EBF2: variants seen among roughly 807,000 people sequenced by gnomAD.
EBF2 encodes the protein EBF transcription factor 2, also known as transcription factor COE2.
EBF2 carries 21 observed loss-of-function variants against 72.8 expected under a neutral mutation model. The observed-to-expected ratio is 0.29, with a 90% CI of 0.20 to 0.42. The LOEUF (loss-of-function observed/expected upper bound fraction) is 0.42. Ranked by LOEUF, EBF2 falls within the 10% of genes least tolerant of loss-of-function variation. The pLI, the probability that EBF2 is intolerant of heterozygous loss-of-function variation, is 1.00. For synonymous variants in EBF2, 299 were observed against 274.2 expected (o/e 1.09, Z -0.89); for missense variants, 637 against 731.2 (o/e 0.87, Z 1.49).
intron 6 of EBF2, among the ~76,000 whole-genome samples, chr8:25,944,239 C>T (rs1333451970): frequency 6.6e-6 from 1 of 152,202 alleles, no homozygotes; most frequent in Admixed American, 6.5e-5. Flanking sequence ...GAAATGAACT[C>T]ATATCCTAAA....
At chr8:25,900,830 A>T (rs1413491809) in intron 7 of EBF2, among the ~76,000 whole-genome samples, 2 of 152,146 alleles carry the variant, frequency 1.3e-5, no homozygotes, top group Non-Finnish European at 2.9e-5. Context: ...CTAAAAAAAA[A>T]ATGATTAGGC....
intron 6 of EBF2, among the ~76,000 whole-genome samples, chr8:25,977,995 C>T (rs1023802047): frequency 6.6e-6 from 1 of 151,984 alleles, no homozygotes; most frequent in African/African-American, 2.4e-5. Flanking sequence ...GACCCTATCC[C>T]GTTGTCACTT....
chr8:25,953,139 T>A (rs971642798), intron 6 of EBF2, among the ~76,000 whole-genome samples: 23 of 152,204 alleles, frequency 1.5e-4, no homozygotes, highest in African/African-American at 4.3e-4. Flanking sequence ...CATGAGACCA[T>A]GTGTGCTTCA....
chr8:26,044,413 G>T lies in EBF2; in HGVS notation c.131+316C>A, dbSNP rs1699576584. Among the ~76,000 whole-genome samples the T allele has an allele frequency of 6.6e-6, 1 of 152,268 alleles. No individual in the cohort carries two copies. Among genetic ancestry groups the T allele is most frequent in the African/African-American group, 2.4e-5 (1 of 41,476 alleles). On this transcript the variant is annotated intron_variant, in intron 1 of 15. Transcript: ENST00000520164. This position sits in a 1 kb window ranked among gnomAD's most constrained non-coding sequence, Gnocchi z 4.1. The stretch of plus-strand genomic sequence containing the variant: ...GTTCGGGGCCAGGCCGGCTCGGCTT[G>T]CAGGACTAGGGGCTGAGCTGGGAGA...
chr8:25,875,148 C>T (rs1206585803), intron 10 of EBF2, among the ~76,000 whole-genome samples: 1 of 152,188 alleles, frequency 6.6e-6, no homozygotes, highest in Non-Finnish European at 1.5e-5. Context: ...GATGAATCCA[C>T]ATTTTCCAGA....
At chr8:25,954,592 A>G (rs547075760) in intron 6 of EBF2, among the ~76,000 whole-genome samples, 2 of 152,270 alleles carry the variant, frequency 1.3e-5, no homozygotes, top group African/African-American at 4.8e-5. Flanking sequence ...AATGCGGAGG[A>G]AACGTCGTGT....
chr8:26,013,353 C>G (rs576640653), intron 6 of EBF2, among the ~76,000 whole-genome samples: 3 of 152,284 alleles, frequency 2.0e-5, no homozygotes, highest in African/African-American at 4.8e-5. Context: ...ACACTGCCCT[C>G]GTGAGTTCCT....
rs1300998191 is a variant in EBF2, at chr8:25,958,614, CAGCAT to C, written c.552-50064_552-50060del. 3.1e-4 allele frequency among the ~76,000 whole-genome samples: 47 copies of C among 152,178 alleles called. 1 individual carries two copies. The highest frequency in any genetic ancestry group is 8.8e-5 in the Non-Finnish European group (6 of 68,034). The stretch of plus-strand genomic sequence containing the variant: ...TTGTTTTTGCTTCTTCTGCCATTCC[CAGCAT>C]GGACCAACTCCAGCCCAGCTTCTTC... On this transcript the variant is annotated intron_variant, in intron 6 of 15. Coordinates refer to ENST00000520164, the MANE Select transcript of EBF2 (RefSeq NM_022659.4).
chr8:26,002,904 AGGCGGGCAGGCG>A (rs1199561411), intron 6 of EBF2, among the ~76,000 whole-genome samples: 5 of 96,248 alleles, frequency 5.2e-5, no homozygotes, highest in African/African-American at 2.2e-4. Flanking sequence ...GCAGGCGGGC[AGGCGGGCAGGCG>A]GGCAGGCGGG....
chr8:25,857,531 G>A (rs1430647409), intron 14 of EBF2, among the ~76,000 whole-genome samples: 1 of 152,108 alleles, frequency 6.6e-6, no homozygotes, highest in Admixed American at 6.5e-5. Flanking sequence ...GCCTCTCCAT[G>A]TCAGCTTGTC....
intron 6 of EBF2, among the ~76,000 whole-genome samples, chr8:26,011,195 A>G (rs1418395158): frequency 6.6e-6 from 1 of 152,232 alleles, no homozygotes; most frequent in Non-Finnish European, 1.5e-5. Flanking sequence ...AGGAAATTGC[A>G]TAGAGTTGGA....
At chr8:25,900,026 T>C (rs1802925431) in intron 7 of EBF2, among the ~76,000 whole-genome samples, 3 of 151,994 alleles carry the variant, frequency 2.0e-5, no homozygotes, top group Admixed American at 1.3e-4. Context: ...CTCCAACCCC[T>C]TCCCTCGAAC....
intron 10 of EBF2, among the ~76,000 whole-genome samples, chr8:25,867,070 AAC>A (rs1221565050): frequency 6.6e-6 from 1 of 152,168 alleles, no homozygotes; most frequent in East Asian, 1.9e-4. Context: ...ACATTTCCTT[AAC>A]ACAACTGGCA....
intron 10 of EBF2, among the ~76,000 whole-genome samples, chr8:25,885,596 G>A (rs185083297): frequency 6.6e-6 from 1 of 152,104 alleles, no homozygotes; most frequent in Non-Finnish European, 1.5e-5. Flanking sequence ...TTGTGGGAGG[G>A]ACCTGGTGGG....
In EBF2 at chr8:25,954,620, C is replaced by T. The variant is rs549667585; in HGVS notation, c.552-46065G>A. 2.6e-5 allele frequency among the ~76,000 whole-genome samples: 4 copies of T among 152,290 alleles called. No individual in the cohort carries two copies. In the South Asian group the frequency reaches 8.3e-4, roughly 32 times the overall value. ...CGTCGTGTTGCACCACCGTTTCCCA[C>T]ATGCTTATTTGGATTGTACTCACCG... On this transcript the variant is annotated intron_variant, in intron 6 of 15. Transcript: ENST00000520164.
rs1200504524 is a variant in EBF2, at chr8:25,844,493, G to A, written c.*116C>T. 1.7e-6 allele frequency: 2 copies of A among 1,189,910 alleles called. No homozygotes were observed. Among genetic ancestry groups the A allele is most frequent in the Admixed American group, 3.5e-5 (2 of 57,440 alleles). The allele number at this position is 1,189,910 out of a possible 1,614,324, so 73.7% of individuals were successfully genotyped here. A position where few individuals can be genotyped will look rare whatever the true frequency, so the allele number is the denominator to read the frequency against. ...ATGCTGGCTCCTTGCAGACCCAAGG[G>A]TGTCCATCATGTTCATGTGGGGGCA... is the stretch of plus-strand genomic sequence containing the variant. On this transcript the variant is annotated 3_prime_UTR_variant, in exon 16 of 16. Transcript: ENST00000520164.
intron 6 of EBF2, among the ~76,000 whole-genome samples, chr8:25,988,248 C>T (rs1277262562): frequency 6.6e-6 from 1 of 152,168 alleles, no homozygotes; most frequent in Non-Finnish European, 1.5e-5. Flanking sequence ...CACACTGAGC[C>T]AGAGACAAGC....
intron 15 of EBF2, among the ~76,000 whole-genome samples, chr8:25,846,872 G>A (rs1216279767): frequency 6.6e-6 from 1 of 152,134 alleles, no homozygotes; most frequent in Admixed American, 6.5e-5. Context: ...TCTGCTAGGT[G>A]GAAACTGACT....
rs139589339 is a variant in EBF2, at chr8:25,861,662, G to A, written c.1099-288C>T. Among the ~76,000 whole-genome samples, 21 of 152,176 alleles carry A rather than the reference G, an allele frequency of 1.4e-4. No homozygotes were observed. In the East Asian group the frequency reaches 3.9e-3, roughly 28 times the overall value. On this transcript the variant is annotated intron_variant, in intron 11 of 15. Coordinates refer to ENST00000520164, the MANE Select transcript of EBF2 (RefSeq NM_022659.4). ...AGTATAGTTTATTAAAATTATTAAG[G>A]TCATGGAAGTTCTATTAAATGCTAC...
Sources: allele counts gnomAD v4.1 joint callset (sites outside exome capture counted in the v4.1 genomes callset), GRCh38; gene constraint gnomAD v4.1.1; non-coding constraint Gnocchi (gnomAD v3.1); transcripts MANE v1.5; gene names NCBI Gene and HGNC (gene_info 2026-07-23, HGNC 2026-07-21).